GALNT6: variants seen among roughly 807,000 people sequenced by gnomAD.
GALNT6 encodes polypeptide N-acetylgalactosaminyltransferase 6.
A neutral mutation model predicts 65.9 loss-of-function variants in GALNT6; 51 were observed. The ratio of observed to expected loss-of-function variants is 0.77; its 90% CI spans 0.62 to 0.98. The LOEUF (loss-of-function observed/expected upper bound fraction) is 0.98, where lower values mean the gene tolerates loss of function less well. Among genes scored for constraint, GALNT6 ranks in the 50% least tolerant of loss-of-function variants. The probability of loss-of-function intolerance (pLI) is 0.00; values close to 1 mark genes in which losing one functional copy is unlikely to be tolerated. For missense variants in GALNT6, 708 were observed against 803.3 expected, an observed-to-expected ratio of 0.88 and a Z score of 1.43; for synonymous variants, 323 against 315.1, an observed-to-expected ratio of 1.02 and a Z score of -0.26.
chr12:51,386,717 G>T (rs138068334), intron 2 of GALNT6, among the ~76,000 whole-genome samples: 88 of 152,262 alleles, frequency 5.8e-4, no homozygotes, highest in Middle Eastern at 3.4e-3. Flanking sequence ...CATCATATTG[G>T]GGAGGGGGCA....
At chr12:51,362,370 C>A (rs971032839) in intron 6 of GALNT6, among the ~76,000 whole-genome samples, 5 of 152,204 alleles carry the variant, frequency 3.3e-5, no homozygotes, top group African/African-American at 1.2e-4. Context: ...CTCTGCCTCT[C>A]CTCTTAGGCT....
At chr12:51,390,156 C>CTTT (rs796243349) in intron 2 of GALNT6, among the ~76,000 whole-genome samples, 5 of 116,304 alleles carry the variant, frequency 4.3e-5, no homozygotes, top group East Asian at 2.7e-4. Flanking sequence ...TTCTTTCTTT[C>CTTT]TTTTTTTTTT....
chr12:51,386,406 C>T (rs1354828203), intron 2 of GALNT6, among the ~76,000 whole-genome samples: 20 of 152,202 alleles, frequency 1.3e-4, no homozygotes, highest in Non-Finnish European at 2.8e-4. Context: ...TCCTCCCACT[C>T]AAGGATACAA....
At chr12:51,356,318 G>T (rs892355937) in intron 10 of GALNT6, among the ~76,000 whole-genome samples, 4 of 149,522 alleles carry the variant, frequency 2.7e-5, no homozygotes, top group Non-Finnish European at 5.9e-5. Context: ...TGGGATTACA[G>T]GTGTGAGCCA....
chr12:51,382,318 G>A (rs952695743), intron 2 of GALNT6: 1 of 152,216 alleles, frequency 6.6e-6, no homozygotes, highest in Non-Finnish European at 1.5e-5. Context: ...ATTACCCTGT[G>A]AGAAGCAGAA....
intron 7 of GALNT6, chr12:51,359,754 G>A (rs1301941664): frequency 6.5e-6 from 1 of 154,018 alleles, no homozygotes; most frequent in Non-Finnish European, 1.4e-5. Context: ...ATAGTTGGCT[G>A]CTAGGTGGCT....
chr12:51,375,594 G>A (rs1487285188), intron 4 of GALNT6, among the ~76,000 whole-genome samples: 2 of 148,256 alleles, frequency 1.3e-5, no homozygotes, highest in African/African-American at 5.0e-5. Context: ...GTCTCACTCT[G>A]TAGCCCAGGC....
chr12:51,376,218 A>G (rs757217903), intron 4 of GALNT6, among the ~76,000 whole-genome samples: 3 of 152,130 alleles, frequency 2.0e-5, no homozygotes, highest in Non-Finnish European at 4.4e-5. Flanking sequence ...TGCTTGTCCA[A>G]GGTCACAGAG....
rs527969389 is a variant in GALNT6 at position 51,377,129 on chromosome 12, C to G, written c.664+66G>C. 9.5e-5 allele frequency: 132 copies of G among 1,396,536 alleles called. 1 individual carries two copies. The African/African-American group carries it at 1.5e-3, about 16-fold the overall frequency. The allele number at this position is 1,396,536 out of a possible 1,614,324, so 86.5% of individuals were successfully genotyped here. A position where few individuals can be genotyped will look rare whatever the true frequency, so the allele number is the denominator to read the frequency against. ...GTGGTGCCTGCTCCCTTGAAAGGAA[C>G]TGCCCTCCTCCTTTGAGTGCCCAGG... is the stretch of plus-strand genomic sequence containing the variant. On this transcript the variant is annotated intron_variant, in intron 4 of 11. Transcript: ENST00000356317.
Position 51,354,457 on chromosome 12 carries a change from G to A in GALNT6, c.1791C>T (p.Cys597=), listed in dbSNP as rs772058146. 5.0e-6 allele frequency: 8 copies of A among 1,596,222 alleles called. No individual in the cohort carries two copies. In the East Asian group the frequency reaches 1.9e-4, roughly 37 times the overall value. The stretch of plus-strand genomic sequence containing the variant: ...CTGGCTTTTTGTCCTGGGATGTCAG[G>A]CAGGTACCAGATCCTGAGTTCCTGA... ...QLIRNSGSGT[C]LTSQDKKPAM... Residue 597 remains cysteine (C), a synonymous_variant, in exon 12 of 12, where the codon TGC becomes TGT. Coordinates refer to ENST00000356317, the MANE Select transcript of GALNT6 (RefSeq NM_007210.4).
At position 51,359,069 on chromosome 12, in the gene GALNT6, G is replaced by A. The variant is rs1946837135; in HGVS notation, c.1368+63C>T. On this transcript the variant is annotated intron_variant, in intron 8 of 11. Coordinates refer to ENST00000356317, the MANE Select transcript of GALNT6 (RefSeq NM_007210.4). ...GGTGGGTCCCAGCCATTAGGCCCATGAACAGGGTCTGGGGGCCGTACTTCT... is the reference window on the plus strand; with the variant it reads ...GGTGGGTCCCAGCCATTAGGCCCATAAACAGGGTCTGGGGGCCGTACTTCT... The A allele has an allele frequency of 3.0e-6, 4 of 1,327,742 alleles. No individual in the cohort carries two copies. In the Admixed American group the frequency reaches 5.1e-5, roughly 17 times the overall value. 82.2% of individuals were successfully genotyped at this position (1,327,742 alleles called of 1,614,324 possible). A position where few individuals can be genotyped will look rare whatever the true frequency, so the allele number is the denominator to read the frequency against.
At chr12:51,369,525 C>G (rs570474858) in intron 4 of GALNT6, among the ~76,000 whole-genome samples, 2 of 152,352 alleles carry the variant, frequency 1.3e-5, no homozygotes, top group South Asian at 4.1e-4. Flanking sequence ...CCTCACAACT[C>G]AAGTCCACAA....
chr12:51,388,163 T>G (rs1258184037), intron 2 of GALNT6, among the ~76,000 whole-genome samples: 2 of 152,232 alleles, frequency 1.3e-5, no homozygotes, highest in African/African-American at 2.4e-5. Context: ...TCCTGCTGAT[T>G]CATTCCCTGC....
intron 6 of GALNT6, among the ~76,000 whole-genome samples, chr12:51,363,128 T>G (rs1376618449): frequency 6.6e-6 from 1 of 152,214 alleles, no homozygotes; most frequent in Non-Finnish European, 1.5e-5. Flanking sequence ...CCGTCCTGGA[T>G]GTATATTCAG....
chr12:51,369,179 T>C (rs1947208337), intron 4 of GALNT6, among the ~76,000 whole-genome samples: 1 of 152,118 alleles, frequency 6.6e-6, no homozygotes. Context: ...TGAGAGACAG[T>C]GAAGCACTGA....
intron 10 of GALNT6, 26 bp downstream of exon 10, chr12:51,357,323 G>A (rs759946404): frequency 7.7e-6 from 11 of 1,427,514 alleles, no homozygotes; most frequent in Non-Finnish European, 1.1e-5. Flanking sequence ...GAGAGGAGAT[G>A]CTCCGGAGAT....
At position 51,387,158 on chromosome 12, in the gene GALNT6, C is replaced by T. The variant is rs1041451695; in HGVS notation, c.-104+3692G>A. On this transcript the variant is annotated intron_variant, in intron 2 of 11. Transcript: ENST00000356317. This position sits in a 1 kb window ranked among gnomAD's most constrained non-coding sequence, Gnocchi z 4.2. ...TGTTGCCCATACTGGAGTGCAGTGG[C>T]GGGATCTCGGCTCACTGCAACCTCC... Among the ~76,000 whole-genome samples the T allele has an allele frequency of 3.3e-5, 5 of 151,736 alleles. No individual in the cohort carries two copies. Among genetic ancestry groups the T allele is most frequent in the East Asian group, 1.9e-4 (1 of 5,180 alleles).
chr12:51,363,978 T>G (rs1265179125), intron 6 of GALNT6, 143 bp downstream of exon 6: 8 of 686,670 alleles, frequency 1.2e-5, no homozygotes, highest in Admixed American at 2.2e-5. Flanking sequence ...GTATTGTACC[T>G]GCTTCATAGG....
chr12:51,390,161 T>TTCTTTC (rs1592370388), intron 2 of GALNT6, among the ~76,000 whole-genome samples: 2 of 113,880 alleles, frequency 1.8e-5, no homozygotes, highest in African/African-American at 3.0e-5. Context: ...TCTTTCTTTT[T>TTCTTTC]TTTTTTTTTT....
Sources: allele counts gnomAD v4.1 joint callset (sites outside exome capture counted in the v4.1 genomes callset), GRCh38; gene constraint gnomAD v4.1.1; non-coding constraint Gnocchi (gnomAD v3.1); transcripts MANE v1.5; gene names NCBI Gene and HGNC (gene_info 2026-07-23, HGNC 2026-07-21).